The following GDF5 variants were observed in gnomAD, a reference collection of about 807,000 sequenced individuals.
The protein encoded by GDF5 is growth/differentiation factor 5.
In GDF5, 17 loss-of-function variants were observed where a neutral mutation model predicts 34.6. The ratio of observed to expected loss-of-function variants is 0.49; its 90% CI spans 0.34 to 0.74. GDF5 has a LOEUF of 0.74. Among genes scored for constraint, GDF5 ranks in the 30% least tolerant of loss-of-function variants. GDF5 has a pLI of 0.01. For synonymous variants in GDF5, 332 were observed against 290.7 expected (o/e 1.14, Z -1.44); for missense variants, 616 against 661.2 (o/e 0.93, Z 0.75).
rs1196020645 is a variant in GDF5 at position 35,451,049 on chromosome 20, AAAAAAAAAAAAAAAAATATAT to A, written c.-398+3570_-398+3590del. On this transcript the variant is annotated intron_variant, in intron 1 of 3. Coordinates refer to the GDF5 transcript ENST00000374372. ...ACAGATTTTAGACTAACAGAAAAAAAAAAAAAAAAAAAAAAATATATATATATATATATATATATATATACA... is the reference window on the plus strand; with the variant it reads ...ACAGATTTTAGACTAACAGAAAAAAAATATATATATATATATATATATACA... 6.0e-5 allele frequency among the ~76,000 whole-genome samples: 5 copies of A among 83,602 alleles called. 1 individual carries two copies. The highest frequency in any genetic ancestry group is 6.5e-4 in the East Asian group (2 of 3,076). The allele number at this position is 83,602 out of a possible 152,430, so 54.8% of individuals were successfully genotyped here.
chr20:35,442,766 G>A (rs972409033), upstream of GDF5, among the ~76,000 whole-genome samples: 1 of 151,296 alleles, frequency 6.6e-6, no homozygotes, highest in Middle Eastern at 3.4e-3. Context: ...GGCTGGTCTC[G>A]AACTCCTGAC....
At chr20:35,454,106 T>G (rs1253406213) in intron 1 of GDF5, 1 of 455,194 alleles carries the variant, frequency 2.2e-6, no homozygotes, top group South Asian at 1.6e-5. Flanking sequence ...AACCACTGAG[T>G]GCAAGAGTGA....
At chr20:35,453,750 G>A (rs933171615) in intron 1 of GDF5, among the ~76,000 whole-genome samples, 1 of 152,152 alleles carries the variant, frequency 6.6e-6, no homozygotes, top group Non-Finnish European at 1.5e-5. Context: ...TAGCTTTTAA[G>A]CGTTCCTTTC....
At position 35,451,054 on chromosome 20, in the gene GDF5, A is replaced by ATATATATATATATATATATATATAT. The variant is rs2062530183; in HGVS notation, c.-398+3585_-398+3586insATATATATATATATATATATATATA. Among the ~76,000 whole-genome samples, 15 of 49,158 alleles carry ATATATATATATATATATATATATAT rather than the reference A, an allele frequency of 3.1e-4. 1 individual carries two copies. The highest frequency in any genetic ancestry group is 5.5e-4 in the African/African-American group (6 of 10,860). 32.2% of individuals were successfully genotyped at this position (49,158 alleles called of 152,430 possible). A position where few individuals can be genotyped will look rare whatever the true frequency, so the allele number is the denominator to read the frequency against. ...TTTTAGACTAACAGAAAAAAAAAAA[A>ATATATATATATATATATATATATAT]AAAAAAAAAAATATATATATATATA... On this transcript the variant is annotated intron_variant, in intron 1 of 3. Coordinates refer to the GDF5 transcript ENST00000374372.
At chr20:35,448,010 A>G (rs1445960124) in intron 1 of GDF5, among the ~76,000 whole-genome samples, 1 of 152,208 alleles carries the variant, frequency 6.6e-6, no homozygotes, top group Non-Finnish European at 1.5e-5. Context: ...TACCAAATAT[A>G]TTTGATTATA....
At chr20:35,443,704 G>A (rs759713144) in intron 1 of GDF5, among the ~76,000 whole-genome samples, 2 of 152,056 alleles carry the variant, frequency 1.3e-5, no homozygotes, top group East Asian at 3.9e-4. Context: ...TAGAGACAGG[G>A]TTTCACCATG....
Position 35,434,405 on chromosome 20 carries a change from T to A in GDF5, c.1010A>T (p.His337Leu). Residue 337 changes from histidine to leucine, a missense_variant, in exon 2 of 2, where the codon CAC (histidine) becomes CTC (leucine). Coordinates refer to ENST00000374369, the MANE Select transcript of GDF5 (RefSeq NM_000557.5). ...LGFDRAARQV[H>L]EKALFLVFGR... ...AAACACCAGGAACAGGGCTTTCTCG[T>A]GGACCTGCCGGGCGGCGCGGTCGAA... is the stretch of plus-strand genomic sequence containing the variant. 1 of 1,613,628 alleles carries A rather than the reference T, an allele frequency of 6.2e-7. No homozygotes were observed. The highest frequency in any genetic ancestry group is 2.2e-5 in the East Asian group (1 of 44,870).
At chr20:35,450,625 G>T (rs140714660) in intron 1 of GDF5, among the ~76,000 whole-genome samples, 3 of 152,070 alleles carry the variant, frequency 2.0e-5, no homozygotes, top group East Asian at 3.9e-4. Context: ...ACTCTTCAGG[G>T]GTTCCCTACT....
At chr20:35,445,943 T>C (rs958118521) in intron 1 of GDF5, among the ~76,000 whole-genome samples, 52 of 151,562 alleles carry the variant, frequency 3.4e-4, no homozygotes, top group African/African-American at 1.3e-3. Context: ...CACTCCAGCG[T>C]GGGCAACAAG....
At chr20:35,436,631 G>A (rs1349135662) in intron 1 of GDF5, among the ~76,000 whole-genome samples, 2 of 152,172 alleles carry the variant, frequency 1.3e-5, no homozygotes, top group African/African-American at 4.8e-5. Context: ...GTTCAGGACA[G>A]CATCTAAAGT....
chr20:35,434,119 C>G lies in GDF5; in HGVS notation c.1296G>C (p.Leu432=), dbSNP rs750847625. ...LEYEAFHCEG[L]CEFPLRSHLE... ...GGTGGGAGCGCAATGGGAACTCGCACAGCCCCTCGCAGTGGAAAGCCTCGT... is the reference window on the plus strand; with the variant it reads ...GGTGGGAGCGCAATGGGAACTCGCAGAGCCCCTCGCAGTGGAAAGCCTCGT... Residue 432 remains leucine, a synonymous_variant, in exon 2 of 2, where the codon CTG becomes CTC. Coordinates refer to ENST00000374369, the MANE Select transcript of GDF5 (RefSeq NM_000557.5). The G allele has an allele frequency of 1.2e-6, 2 of 1,614,152 alleles. No homozygotes were observed. The highest frequency in any genetic ancestry group is 1.1e-5 in the South Asian group (1 of 91,080).
intron 1 of GDF5, among the ~76,000 whole-genome samples, chr20:35,452,189 T>C: frequency 6.6e-6 from 1 of 151,414 alleles, no homozygotes; most frequent in Admixed American, 6.6e-5. Flanking sequence ...ACCAGCTAAT[T>C]CCACTTTGGG....
At position 35,434,677 on chromosome 20, in the gene GDF5, G is replaced by A. The variant is rs2062462940; in HGVS notation, c.738C>T (p.Pro246=). 1 of 1,612,828 alleles carries A rather than the reference G, an allele frequency of 6.2e-7. No individual in the cohort carries two copies. The highest frequency in any genetic ancestry group is 2.2e-5 in the East Asian group (1 of 44,876). Residue 246 remains proline (P), a synonymous_variant, in exon 2 of 2, where the codon CCC becomes CCT. Transcript: ENST00000374369. ...GAELRILRKK[P]SDTAKPAAPG... is the part of the protein sequence containing the mutation. Reference sequence around the variant, plus strand: ...GGGCCGCTGGCTTGGCCGTGTCCGAGGGCTTCTTCCGCAAGATCCGCAGCT... The same window carrying A: ...GGGCCGCTGGCTTGGCCGTGTCCGAAGGCTTCTTCCGCAAGATCCGCAGCT...
chr20:35,451,076 T>TATATATATATATAA (rs2062531369), intron 1 of GDF5, among the ~76,000 whole-genome samples: 464 of 42,626 alleles, frequency 0.011, 16 homozygotes, highest in Middle Eastern at 0.088. Flanking sequence ...TATATATATA[T>TATATATATATATAA]ATATATATAT....
chr20:35,438,875 G>GTT (rs2062487805), upstream of GDF5, among the ~76,000 whole-genome samples: 35 of 77,838 alleles, frequency 4.5e-4, no homozygotes, highest in Admixed American at 4.1e-3. Context: ...GTGCCTGTGT[G>GTT]TGTGTGTGCC....
At position 35,433,463 on chromosome 20, in the gene GDF5, AGT is replaced by A. The variant is rs1259865782; in HGVS notation, c.*444_*445del. 1.8e-5 allele frequency: 6 copies of A among 328,550 alleles called. No homozygotes were observed. Among genetic ancestry groups the A allele is most frequent in the African/African-American group, 1.3e-4 (6 of 46,464 alleles). 20.4% of individuals were successfully genotyped at this position (328,550 alleles called of 1,614,324 possible). On this transcript the variant is annotated 3_prime_UTR_variant, in exon 2 of 2. Transcript: ENST00000374369. ...CTCCTCTTCTCTCCCACTCTTGCCCAGTCAGCTTCTCAACTGTCCCAGGGACA... is the reference window on the plus strand; with the variant it reads ...CTCCTCTTCTCTCCCACTCTTGCCCACAGCTTCTCAACTGTCCCAGGGACA...
chr20:35,437,821 C>G lies in GDF5; in HGVS notation c.108G>C (p.Gln36His). Reference sequence around the variant, plus strand: ...CTTTGGCCAATCCTGGCCTGGTCCCCTGGGGTCTCTGGCCCAAGTCAGGGG... The same window carrying G: ...CTTTGGCCAATCCTGGCCTGGTCCCGTGGGGTCTCTGGCCCAAGTCAGGGG... ...LGAPDLGQRPQGTRPGLAKAE... is the reference protein window; with the variant it reads ...LGAPDLGQRPHGTRPGLAKAE... The change falls in exon 1 of 2, where the codon CAG becomes CAC. Residue 36 changes from glutamine (Q) to histidine (H), a missense_variant. By Grantham distance (24) the Gln-to-His change is conservative. Coordinates refer to ENST00000374369, the MANE Select transcript of GDF5 (RefSeq NM_000557.5). 6.2e-7 allele frequency: 1 copy of G among 1,613,760 alleles called. No homozygotes were observed. The highest frequency in any genetic ancestry group is 8.5e-7 in the Non-Finnish European group (1 of 1,179,844).
chr20:35,444,316 G>T (rs2146588224), intron 1 of GDF5, among the ~76,000 whole-genome samples: 1 of 152,334 alleles, frequency 6.6e-6, no homozygotes, highest in Middle Eastern at 3.4e-3. Context: ...ATTTTAGCAA[G>T]GAATGCCCTT....
Position 35,434,147 on chromosome 20 carries a change from T to A in GDF5, c.1268A>T (p.Glu423Val), listed in dbSNP as rs367877671. The A allele has an allele frequency of 6.2e-7, 1 of 1,614,032 alleles. No individual in the cohort carries two copies. The highest frequency in any genetic ancestry group is 8.5e-7 in the Non-Finnish European group (1 of 1,180,028). The change falls in exon 2 of 2, where the codon GAG becomes GTG. Residue 423 changes from glutamate (E) to valine (V), a missense_variant. Physicochemically the swap from Glu to Val is moderately radical, Grantham distance 121. Coordinates refer to ENST00000374369, the MANE Select transcript of GDF5 (RefSeq NM_000557.5). ...CCCCTCGCAGTGGAAAGCCTCGTACTCAAGGGGTGCGATGATCCAGTCGTC... is the reference window on the plus strand; with the variant it reads ...CCCCTCGCAGTGGAAAGCCTCGTACACAAGGGGTGCGATGATCCAGTCGTC... ...GWDDWIIAPL[E>V]YEAFHCEGLC...
Sources: allele counts gnomAD v4.1 joint callset (sites outside exome capture counted in the v4.1 genomes callset), GRCh38; gene constraint gnomAD v4.1.1; transcripts MANE v1.5; gene names NCBI Gene and HGNC (gene_info 2026-07-23, HGNC 2026-07-21).